Variants in ADGRV1 observed in about 807,000 individuals in gnomAD.
ADGRV1 encodes G-protein coupled receptor 98.
In ADGRV1, 359 loss-of-function variants were observed where a neutral mutation model predicts 596.2. That is an observed-to-expected ratio of 0.60 (90% CI 0.55 to 0.66). The LOEUF (loss-of-function observed/expected upper bound fraction) is 0.66, where lower values mean the gene tolerates loss of function less well. ADGRV1 is among the 30% of genes least tolerant of loss of function. ADGRV1 has a pLI of 0.00. For synonymous variants in ADGRV1, 2,681 were observed against 2,679.2 expected, an observed-to-expected ratio of 1.00 and a Z score of -0.02; for missense variants, 7,274 against 7,575.6, an observed-to-expected ratio of 0.96 and a Z score of 1.48.
chr5:90,931,458 A>G (rs1775246178), intron 83 of ADGRV1, among the ~76,000 whole-genome samples: 2 of 152,220 alleles, frequency 1.3e-5, no homozygotes, highest in African/African-American at 4.8e-5. Context: ...TATAAATCAA[A>G]TTCCTTTTCT....
chr5:90,628,419 CA>C (rs1403522970), intron 7 of ADGRV1, 142 bp from the exon 8 acceptor site: 1 of 725,362 alleles, frequency 1.4e-6, no homozygotes, highest in African/African-American at 1.8e-5. Context: ...CTCAAACAAA[CA>C]AAAATAACAA....
At chr5:90,753,018 C>CTAG (rs775588491) in intron 53 of ADGRV1, among the ~76,000 whole-genome samples, 1 of 151,614 alleles carries the variant, frequency 6.6e-6, no homozygotes, top group African/African-American at 2.4e-5. Flanking sequence ...CAAGGTCTTC[C>CTAG]ATGCTTTTTA....
chr5:91,100,988 C>T (rs571436445), intron 86 of ADGRV1, among the ~76,000 whole-genome samples: 3 of 152,144 alleles, frequency 2.0e-5, no homozygotes, highest in Admixed American at 6.5e-5. Flanking sequence ...TAAGAATCTA[C>T]GAAGACGTGT....
intron 65 of ADGRV1, among the ~76,000 whole-genome samples, chr5:90,782,071 A>G (rs1758911378): frequency 6.6e-6 from 1 of 152,198 alleles, no homozygotes; most frequent in Non-Finnish European, 1.5e-5. Context: ...GAAGCAGAAT[A>G]CAGAATATAT....
chr5:91,114,047 T>C (rs1792627977), intron 87 of ADGRV1, among the ~76,000 whole-genome samples: 1 of 151,324 alleles, frequency 6.6e-6, no homozygotes, highest in Non-Finnish European at 1.5e-5. Flanking sequence ...TGAAACCCCA[T>C]CTCTACTAAA....
intron 83 of ADGRV1, among the ~76,000 whole-genome samples, chr5:90,911,734 C>T (rs949969183): frequency 2.6e-5 from 4 of 151,786 alleles, no homozygotes; most frequent in Admixed American, 6.6e-5. Flanking sequence ...ATATTTATTC[C>T]GCCTCTGTTA....
chr5:91,158,017 A>G (rs1242533060), intron 89 of ADGRV1, among the ~76,000 whole-genome samples: 1 of 152,140 alleles, frequency 6.6e-6, no homozygotes, highest in Non-Finnish European at 1.5e-5. Context: ...CAAATCGTTA[A>G]CCACCTCTTC....
At chr5:90,943,321 A>G (rs954475918) in intron 83 of ADGRV1, among the ~76,000 whole-genome samples, 1 of 152,154 alleles carries the variant, frequency 6.6e-6, no homozygotes, top group Non-Finnish European at 1.5e-5. Context: ...TCTTACAATC[A>G]GAAGACTTGG....
At chr5:91,076,473 G>A (rs1292118518) in intron 86 of ADGRV1, among the ~76,000 whole-genome samples, 1 of 152,076 alleles carries the variant, frequency 6.6e-6, no homozygotes, top group Non-Finnish European at 1.5e-5. Context: ...TTAGTGGATA[G>A]CAGGAGCATA....
At chr5:90,641,890 G>A (rs1296971432) in intron 11 of ADGRV1, among the ~76,000 whole-genome samples, 1 of 152,080 alleles carries the variant, frequency 6.6e-6, no homozygotes, top group East Asian at 1.9e-4. Flanking sequence ...TGCTTTGAAC[G>A]TTAAAACCAG....
chr5:90,639,097 C>CACACAT (rs1554067823), intron 11 of ADGRV1, among the ~76,000 whole-genome samples: 20 of 150,774 alleles, frequency 1.3e-4, no homozygotes, highest in African/African-American at 4.6e-4. Context: ...CACACACACA[C>CACACAT]GCTCGCGCAC....
intron 85 of ADGRV1, among the ~76,000 whole-genome samples, chr5:91,021,749 T>C (rs1439448216): frequency 2.6e-5 from 4 of 152,082 alleles, no homozygotes; most frequent in African/African-American, 9.7e-5. Context: ...CAAACAGTGA[T>C]CCTTGTCCTG....
rs149335433 is a variant in ADGRV1, at chr5:90,759,815, A to G, written c.12120+227A>G. 4,689 of 463,294 alleles carry G rather than the reference A, an allele frequency of 0.01. 176 individuals carry two copies. Among genetic ancestry groups the G allele is most frequent in the African/African-American group, 0.083 (4,191 of 50,338 alleles). 28.7% of individuals were successfully genotyped at this position (463,294 alleles called of 1,614,324 possible). A position where few individuals can be genotyped will look rare whatever the true frequency, so the allele number is the denominator to read the frequency against. ...TCCCGTCTCTACTGAAAGTACAAAAATTAGCTGGGCGTGGTGGCACATGCC... is the reference window on the plus strand; with the variant it reads ...TCCCGTCTCTACTGAAAGTACAAAAGTTAGCTGGGCGTGGTGGCACATGCC... On this transcript the variant is annotated intron_variant, in intron 58 of 89. Coordinates refer to ENST00000405460, the MANE Select transcript of ADGRV1 (RefSeq NM_032119.4).
chr5:90,803,367 A>G (rs1011771563), intron 71 of ADGRV1, among the ~76,000 whole-genome samples: 2 of 152,218 alleles, frequency 1.3e-5, no homozygotes, highest in African/African-American at 2.4e-5. Flanking sequence ...ATAAATGCAC[A>G]TGAGAACAAA....
intron 5 of ADGRV1, among the ~76,000 whole-genome samples, chr5:90,624,521 T>C (rs983593189): frequency 3.3e-5 from 5 of 152,184 alleles, no homozygotes; most frequent in African/African-American, 4.8e-5. Flanking sequence ...TATTACTGCA[T>C]ACGTATAGCA....
At chr5:90,878,681 C>G (rs1769449284) in intron 83 of ADGRV1, among the ~76,000 whole-genome samples, 1 of 152,192 alleles carries the variant, frequency 6.6e-6, no homozygotes, top group African/African-American at 2.4e-5. Flanking sequence ...AGCTGACTAA[C>G]AAACTCCAAC....
intron 87 of ADGRV1, among the ~76,000 whole-genome samples, chr5:91,139,053 G>A (rs1189735665): frequency 6.6e-6 from 1 of 152,176 alleles, no homozygotes; most frequent in Admixed American, 6.5e-5. Flanking sequence ...TTACAGGCGT[G>A]AGCCACCGCG....
At chr5:90,954,364 A>G (rs1777299125) in intron 83 of ADGRV1, among the ~76,000 whole-genome samples, 1 of 152,030 alleles carries the variant, frequency 6.6e-6, no homozygotes, top group Admixed American at 6.6e-5. Flanking sequence ...CACTTTTTTA[A>G]ATAGCTGAAT....
At chr5:91,160,645 G>A (rs1452059566) in intron 89 of ADGRV1, among the ~76,000 whole-genome samples, 1 of 152,094 alleles carries the variant, frequency 6.6e-6, no homozygotes, top group Admixed American at 6.6e-5. Context: ...TAAACTTTTG[G>A]TTTGAAATTT....
Sources: allele counts gnomAD v4.1 joint callset (sites outside exome capture counted in the v4.1 genomes callset), GRCh38; gene constraint gnomAD v4.1.1; transcripts MANE v1.5; gene names NCBI Gene and HGNC (gene_info 2026-07-23, HGNC 2026-07-21).